Variants in POLI observed in about 807,000 individuals in gnomAD.
POLI encodes RAD30 homolog B.
Under a neutral mutation model 51.6 loss-of-function variants are expected in POLI, and 58 were observed. The ratio of observed to expected loss-of-function variants is 1.12; its 90% CI spans 0.91 to 1.40. The LOEUF (loss-of-function observed/expected upper bound fraction) is 1.40. POLI is among the 40% of genes most tolerant of loss of function. The pLI is 0.00. For synonymous variants in POLI, 322 were observed against 299.7 expected (o/e 1.07, Z -0.77); for missense variants, 921 against 871.3 (o/e 1.06, Z -0.72).
In POLI at chr18:54,294,386, T is replaced by C. The variant is rs750895132; in HGVS notation, c.2142T>C (p.Tyr714=). The C allele has an allele frequency of 7.4e-6, 12 of 1,613,436 alleles. No homozygotes were observed. The South Asian group carries it at 1.2e-4, about 16-fold the overall frequency. Residue 714 remains tyrosine (Y), a synonymous_variant, in exon 10 of 10, where the codon TAT becomes TAC. Coordinates refer to ENST00000579534, the MANE Select transcript of POLI (RefSeq NM_007195.3). ...CTGACATTGATCCTCAAGTTTTCTA[T>C]GAACTACCAGAAGCAGTACAAAAGG... ...FPSDIDPQVF[Y]ELPEAVQKEL...
rs548890843 is a variant in POLI, at chr18:54,275,329, A to G, written c.406+1239A>G. ...ATGACAGAGTGAGACTCTTGTCTCT[A>G]AAAAAGAAAGAGAACCACAAGTACA... is the stretch of plus-strand genomic sequence containing the variant. On this transcript the variant is annotated intron_variant, in intron 3 of 9. Transcript: ENST00000579534. 8.7e-5 allele frequency among the ~76,000 whole-genome samples: 13 copies of G among 149,520 alleles called. No individual in the cohort carries two copies. The South Asian group carries it at 2.8e-3, about 33-fold the overall frequency.
At chr18:54,284,174 G>A (rs762093981) in intron 7 of POLI, 161 bp downstream of exon 7, 13 of 467,792 alleles carry the variant, frequency 2.8e-5, no homozygotes, top group Non-Finnish European at 5.1e-5. Flanking sequence ...ATAAACTGTT[G>A]TAAAGATGGT....
chr18:54,280,451 C>G (rs976141369), intron 4 of POLI, among the ~76,000 whole-genome samples: 1 of 152,214 alleles, frequency 6.6e-6, no homozygotes, highest in Non-Finnish European at 1.5e-5. Context: ...GTGATCCCAA[C>G]ACCTCCCATT....
intron 3 of POLI, among the ~76,000 whole-genome samples, chr18:54,314,330 T>C (rs1380901063): frequency 6.6e-6 from 1 of 152,174 alleles, no homozygotes; most frequent in African/African-American, 2.4e-5. Context: ...GCCTATTTGA[T>C]TGTGGTTAAT....
At chr18:54,313,092 A>G (rs746091969) in intron 3 of POLI, among the ~76,000 whole-genome samples, 5 of 152,274 alleles carry the variant, frequency 3.3e-5, no homozygotes, top group Middle Eastern at 3.4e-3. Flanking sequence ...GATGGCTTAC[A>G]TTTAAGTCTA....
rs149357708 is a variant in POLI at position 54,311,135 on chromosome 18, C to T, written c.334-9138C>T. ...AAATCAGTATGCTGCCACCCTGCCA[C>T]TTCTTCTTGAAATCTGGAAAGCTGG... On this transcript the variant is annotated intron_variant, in intron 3 of 4. Coordinates refer to the POLI transcript ENST00000579823. 3,155 of 979,822 alleles carry T rather than the reference C, an allele frequency of 3.2e-3. 24 individuals carry two copies. The highest frequency in any genetic ancestry group is 3.2e-3 in the Non-Finnish European group (2,602 of 824,868). 60.7% of individuals were successfully genotyped at this position (979,822 alleles called of 1,614,324 possible).
In POLI at chr18:54,294,559, A is replaced by G; in HGVS notation, c.*92A>G. 1 of 1,417,738 alleles carries G rather than the reference A, an allele frequency of 7.1e-7. No homozygotes were observed. The highest frequency in any genetic ancestry group is 9.2e-7 in the Non-Finnish European group (1 of 1,089,890). The allele number at this position is 1,417,738 out of a possible 1,614,324, so 87.8% of individuals were successfully genotyped here. On this transcript the variant is annotated 3_prime_UTR_variant, in exon 10 of 10. Transcript: ENST00000579534. ...GCTCTTCTATATTAAACACTAATAG[A>G]TATTCAATAACGGAGTAAACTGTTC...
rs73483691 is a variant in POLI, at chr18:54,274,233, T to G, written c.406+143T>G. 2.7e-3 allele frequency: 1,102 copies of G among 413,262 alleles called. 9 individuals carry two copies. The highest frequency in any genetic ancestry group is 0.021 in the African/African-American group (1,031 of 48,708). The allele number at this position is 413,262 out of a possible 1,614,324, so 25.6% of individuals were successfully genotyped here. A position where few individuals can be genotyped will look rare whatever the true frequency, so the allele number is the denominator to read the frequency against. On this transcript the variant is annotated intron_variant, in intron 3 of 9. Transcript: ENST00000579534. ...TTCTTATTTTGGGTCTTGTCAACTT[T>G]AAAAATTATGTGAAAGGATAACTGT... is the stretch of plus-strand genomic sequence containing the variant.
intron 3 of POLI, among the ~76,000 whole-genome samples, chr18:54,319,132 T>G (rs1440765131): frequency 6.6e-6 from 1 of 152,220 alleles, no homozygotes; most frequent in Non-Finnish European, 1.5e-5. Context: ...ATGGCAGAGC[T>G]GAGTGCTGTA....
intron 3 of POLI, among the ~76,000 whole-genome samples, chr18:54,310,922 C>A (rs2088661280): frequency 6.6e-6 from 1 of 151,786 alleles, no homozygotes; most frequent in African/African-American, 2.4e-5. Context: ...CAGATAAGCT[C>A]TTTTTATTAA....
chr18:54,306,240 A>G (rs917449729), intron 3 of POLI, among the ~76,000 whole-genome samples: 1 of 152,182 alleles, frequency 6.6e-6, no homozygotes, highest in Non-Finnish European at 1.5e-5. Context: ...TTATTTTGAG[A>G]TACGTGCCAT....
At chr18:54,312,752 T>C (rs2088685191) in intron 3 of POLI, among the ~76,000 whole-genome samples, 1 of 152,216 alleles carries the variant, frequency 6.6e-6, no homozygotes, top group Non-Finnish European at 1.5e-5. Context: ...TTGTATGTCT[T>C]CTTTTGAGAA....
chr18:54,306,213 G>C (rs978735743), intron 3 of POLI, among the ~76,000 whole-genome samples: 1 of 152,150 alleles, frequency 6.6e-6, no homozygotes, highest in Admixed American at 6.5e-5. Context: ...CTGTGGGTCT[G>C]TGCTAAATAG....
At chr18:54,308,593 G>GT (rs140790510) in intron 3 of POLI, among the ~76,000 whole-genome samples, 117,003 of 152,010 alleles carry the variant, frequency 0.77, 45,835 homozygotes, top group African/African-American at 0.93. Context: ...TATCTTTGTG[G>GT]GTTCTCTGTA....
intron 3 of POLI, among the ~76,000 whole-genome samples, chr18:54,304,213 A>G (rs2088541169): frequency 6.6e-6 from 1 of 152,204 alleles, no homozygotes. Flanking sequence ...TAGTGACACA[A>G]TAAACATACA....
intron 3 of POLI, chr18:54,275,097 A>G (rs2087179612): frequency 6.6e-6 from 1 of 152,230 alleles, no homozygotes; most frequent in South Asian, 2.1e-4. Flanking sequence ...TATCAAGAAC[A>G]CTTACTGAGT....
intron 4 of POLI, among the ~76,000 whole-genome samples, chr18:54,279,681 A>G (rs947676094): frequency 6.6e-6 from 1 of 152,140 alleles, no homozygotes; most frequent in African/African-American, 2.4e-5. Context: ...TTCATCTCTA[A>G]ATACTTTTAG....
rs774198773 is a variant in POLI, at chr18:54,287,389, T to C, written c.1176T>C (p.His392=). The C allele has an allele frequency of 2.5e-6, 4 of 1,608,536 alleles. No homozygotes were observed. The East Asian group carries it at 8.9e-5, about 36-fold the overall frequency. ...RESRQCPIPS[H]VIQKLGTGNY... is the part of the protein sequence containing the mutation. ...GTCGTCAGTGCCCTATTCCTTCACA[T>C]GTAATTCAGAAATTAGGGACAGGTA... Residue 392 remains histidine (H), a synonymous_variant, in exon 8 of 10, where the codon CAT becomes CAC. Transcript: ENST00000579534.
intron 3 of POLI, among the ~76,000 whole-genome samples, chr18:54,305,304 C>T (rs556194539): frequency 6.6e-6 from 1 of 152,186 alleles, no homozygotes; most frequent in South Asian, 2.1e-4. Flanking sequence ...TGAAGAAAGT[C>T]ATTGGTAGCT....
Sources: gnomAD v4.1 joint callset for allele counts (sites outside exome capture counted in the v4.1 genomes callset) on GRCh38, gnomAD v4.1.1 for gene constraint, MANE v1.5 for transcripts, NCBI Gene and HGNC (gene_info 2026-07-23, HGNC 2026-07-21) for gene names.